GABRB2: variants seen among roughly 807,000 people sequenced by gnomAD.
GABRB2 encodes gamma-aminobutyric acid receptor subunit beta-2.
In GABRB2, 16 loss-of-function variants were observed where a neutral mutation model predicts 54.7. The observed-to-expected ratio is 0.29, with a 90% CI of 0.20 to 0.44. The LOEUF is 0.44. Among genes scored for constraint, GABRB2 ranks in the 20% least tolerant of loss-of-function variants. The pLI is 1.00. For missense variants in GABRB2, 355 were observed against 644.0 expected (o/e 0.55, Z 4.86); for synonymous variants, 244 against 233.8 (o/e 1.04, Z -0.40).
At chr5:161,389,068 A>G (rs998358823) in intron 5 of GABRB2, among the ~76,000 whole-genome samples, 1 of 152,042 alleles carries the variant, frequency 6.6e-6, no homozygotes, top group Non-Finnish European at 1.5e-5. Context: ...GTCATTAACC[A>G]GATCAGTGAC....
intron 4 of GABRB2, among the ~76,000 whole-genome samples, chr5:161,457,602 C>T (rs953128899): frequency 8.5e-5 from 13 of 152,074 alleles, no homozygotes; most frequent in African/African-American, 1.4e-4. Context: ...CCCGCCACTA[C>T]GCCCAGCAAA....
chr5:161,429,520 G>T (rs1302411872), intron 4 of GABRB2, among the ~76,000 whole-genome samples: 5 of 151,990 alleles, frequency 3.3e-5, no homozygotes, highest in African/African-American at 9.7e-5. Context: ...AGTCAGCATG[G>T]AGTAGTGTGA....
At chr5:161,471,959 G>T (rs1581013995) in intron 3 of GABRB2, among the ~76,000 whole-genome samples, 1 of 151,634 alleles carries the variant, frequency 6.6e-6, no homozygotes, top group Admixed American at 6.6e-5. Context: ...CATCACAATA[G>T]CACTATAAGT....
chr5:161,462,924 T>G (rs1758155288), intron 3 of GABRB2, among the ~76,000 whole-genome samples: 2 of 152,136 alleles, frequency 1.3e-5, no homozygotes, highest in African/African-American at 4.8e-5. Context: ...TGCACTTTAA[T>G]ATTACAAGGC....
At chr5:161,533,166 G>C (rs980079490) in intron 3 of GABRB2, among the ~76,000 whole-genome samples, 3 of 152,136 alleles carry the variant, frequency 2.0e-5, no homozygotes, top group Admixed American at 1.3e-4. Context: ...AATGCCGATA[G>C]AATGTGAACA....
At chr5:161,412,011 A>C (rs975121870) in intron 4 of GABRB2, among the ~76,000 whole-genome samples, 5 of 152,154 alleles carry the variant, frequency 3.3e-5, no homozygotes, top group Non-Finnish European at 7.4e-5. Flanking sequence ...TAAAAGTAGA[A>C]ACTAACGTTG....
At chr5:161,353,878 T>C (rs2113439569) in intron 5 of GABRB2, among the ~76,000 whole-genome samples, 1 of 152,088 alleles carries the variant, frequency 6.6e-6, no homozygotes, top group South Asian at 2.1e-4. Context: ...TCCCCAAGGA[T>C]TGTGCAATTG....
intron 4 of GABRB2, among the ~76,000 whole-genome samples, chr5:161,433,184 T>C (rs554379185): frequency 1.3e-5 from 2 of 152,240 alleles, no homozygotes; most frequent in African/African-American, 2.4e-5. Flanking sequence ...ATATATACAT[T>C]GAGAAACATG....
At position 161,294,446 on chromosome 5, in the gene GABRB2, C is replaced by A. The variant is rs376744140; in HGVS notation, c.1192-18G>T. On this transcript the variant is annotated intron_variant, in intron 9 of 9. Coordinates refer to ENST00000393959, the MANE Select transcript of GABRB2 (RefSeq NM_001371727.1). Reference sequence around the variant, plus strand: ...GGGTCCATCTGCAAGGGAAGAGAATCAAAAAGACAATCAGAACAATGAAGC... The same window carrying A: ...GGGTCCATCTGCAAGGGAAGAGAATAAAAAAGACAATCAGAACAATGAAGC... 15 of 1,596,636 alleles carry A rather than the reference C, an allele frequency of 9.4e-6. No homozygotes were observed. The African/African-American group carries it at 1.6e-4, about 17-fold the overall frequency.
At chr5:161,438,758 C>T (rs757034032) in intron 4 of GABRB2, among the ~76,000 whole-genome samples, 1 of 151,680 alleles carries the variant, frequency 6.6e-6, no homozygotes, top group Admixed American at 6.6e-5. Flanking sequence ...AATTGGCATA[C>T]CAAAGAATGC....
intron 4 of GABRB2, among the ~76,000 whole-genome samples, chr5:161,441,801 A>G (rs1757472706): frequency 6.6e-6 from 1 of 152,194 alleles, no homozygotes; most frequent in Non-Finnish European, 1.5e-5. Context: ...TTCATTTGTA[A>G]CATGAATGGA....
chr5:161,321,254 T>G (rs2113380644), intron 9 of GABRB2, among the ~76,000 whole-genome samples: 1 of 152,204 alleles, frequency 6.6e-6, no homozygotes, highest in Non-Finnish European at 1.5e-5. Flanking sequence ...AATACTAAGT[T>G]CCTGTTATAA....
chr5:161,481,290 T>C (rs1379268985), intron 3 of GABRB2, among the ~76,000 whole-genome samples: 1 of 152,082 alleles, frequency 6.6e-6, no homozygotes, highest in African/African-American at 2.4e-5. Context: ...AAGTAAAATA[T>C]ATAAAGGCCT....
At chr5:161,450,793 CAT>C (rs1491440447) in intron 4 of GABRB2, among the ~76,000 whole-genome samples, 2 of 152,058 alleles carry the variant, frequency 1.3e-5, no homozygotes, top group Non-Finnish European at 2.9e-5. Context: ...TCATGGAAAA[CAT>C]ATTTTTTAAA....
intron 5 of GABRB2, among the ~76,000 whole-genome samples, chr5:161,402,353 C>T (rs965814378): frequency 3.3e-5 from 5 of 152,028 alleles, no homozygotes; most frequent in Admixed American, 6.6e-5. Flanking sequence ...ATTGCATATG[C>T]AGTTAAATAT....
chr5:161,487,241 T>C (rs1421072941), intron 3 of GABRB2, among the ~76,000 whole-genome samples: 1 of 151,970 alleles, frequency 6.6e-6, no homozygotes, highest in Non-Finnish European at 1.5e-5. Flanking sequence ...TTTTAGCTCA[T>C]TATAGCACTT....
At chr5:161,483,154 G>C (rs1390814466) in intron 3 of GABRB2, among the ~76,000 whole-genome samples, 1 of 151,908 alleles carries the variant, frequency 6.6e-6, no homozygotes, top group Non-Finnish European at 1.5e-5. Context: ...GGAACTAGTG[G>C]GGAATTAGAA....
intron 4 of GABRB2, among the ~76,000 whole-genome samples, chr5:161,440,949 C>T (rs1269848296): frequency 2.0e-5 from 3 of 152,100 alleles, no homozygotes; most frequent in Admixed American, 6.6e-5. Flanking sequence ...CTATGTATCA[C>T]CATATACAAA....
chr5:161,515,729 G>A (rs887282807), intron 3 of GABRB2, among the ~76,000 whole-genome samples: 5 of 152,090 alleles, frequency 3.3e-5, no homozygotes, highest in African/African-American at 1.2e-4. Context: ...CTCCATGGCT[G>A]GAAATTTTTA....
Sources: gnomAD v4.1 joint callset for allele counts (sites outside exome capture counted in the v4.1 genomes callset) on GRCh38, gnomAD v4.1.1 for gene constraint, MANE v1.5 for transcripts, NCBI Gene and HGNC (gene_info 2026-07-23, HGNC 2026-07-21) for gene names.